ANKRD65: variants seen among roughly 807,000 people sequenced by gnomAD.
The protein encoded by ANKRD65 is ankyrin repeat domain-containing protein 65.
Under a neutral mutation model 17.2 loss-of-function variants are expected in ANKRD65, and 26 were observed. The ratio of observed to expected loss-of-function variants is 1.51; its 90% CI spans 1.11 to 2.09. The LOEUF is 2.09. Ranked by LOEUF, ANKRD65 falls within the 30% of genes most tolerant of loss-of-function variation. ANKRD65 has a pLI of 0.00. For synonymous variants in ANKRD65, 311 were observed against 272.2 expected, an observed-to-expected ratio of 1.14 and a Z score of -1.40; for missense variants, 621 against 542.2, an observed-to-expected ratio of 1.15 and a Z score of -1.44.
intron 1 of ANKRD65, 57 bp downstream of exon 1, chr1:1,421,076 A>G (rs1035001956): frequency 1.2e-5 from 18 of 1,449,994 alleles, no homozygotes; most frequent in Non-Finnish European, 1.6e-5. Context: ...TCCCAGGCCA[A>G]CTGGAGCCCC....
At position 1,421,025 on chromosome 1, in the gene ANKRD65, CTACA is replaced by C; in HGVS notation, c.1-24_1-21del. On this transcript the variant is annotated intron_variant, in intron 1 of 3. Transcript: ENST00000537107. ...GTCCATCTGGGGGGGAGCAGGGATCCTACATCCACTGTGGAGGCCTCTGGCCTGC... is the reference window on the plus strand; with the variant it reads ...GTCCATCTGGGGGGGAGCAGGGATCCTCCACTGTGGAGGCCTCTGGCCTGC... The C allele has an allele frequency of 6.5e-7, 1 of 1,549,614 alleles. No homozygotes were observed. Among genetic ancestry groups the C allele is most frequent in the Non-Finnish European group, 8.7e-7 (1 of 1,146,492 alleles).
In ANKRD65 at chr1:1,420,578, C is replaced by T. The variant is rs1289906629; in HGVS notation, c.224G>A (p.Arg75Gln). Residue 75 changes from arginine (R) to glutamine (Q), a missense_variant, in exon 3 of 4, where the codon CGG becomes CAG. Coordinates refer to ENST00000537107, the MANE Select transcript of ANKRD65 (RefSeq NM_001145210.3). ...CAGCACGGCCAGGTGGAGCGGGGTC[C>T]GGCCTGCGTGGTCCCTGAGGAGGGG... is the stretch of plus-strand genomic sequence containing the variant. Reference protein sequence around the residue: ...ASVEERDHAGRTPLHLAVLRG... With the variant: ...ASVEERDHAGQTPLHLAVLRG... The T allele has an allele frequency of 1.3e-5, 18 of 1,376,742 alleles. No homozygotes were observed. Among genetic ancestry groups the T allele is most frequent in the Non-Finnish European group, 1.6e-5 (17 of 1,068,642 alleles). The allele number at this position is 1,376,742 out of a possible 1,614,324, so 85.3% of individuals were successfully genotyped here.
chr1:1,420,544 G>T lies in ANKRD65; in HGVS notation c.258C>A (p.His86Gln), dbSNP rs1192041249. The change falls in exon 3 of 4, where the codon CAC becomes CAA. Residue 86 changes from histidine to glutamine, a missense_variant. Coordinates refer to ENST00000537107, the MANE Select transcript of ANKRD65 (RefSeq NM_001145210.3). ...TPLHLAVLRG[H>Q]APLVRLLLQR... is the part of the protein sequence containing the mutation. Reference sequence around the variant, plus strand: ...GCAGCAGGAGACGCACCAGGGGCGCGTGGCCCCGCAGCACGGCCAGGTGGA... The same window carrying T: ...GCAGCAGGAGACGCACCAGGGGCGCTTGGCCCCGCAGCACGGCCAGGTGGA... 5.3e-6 allele frequency: 7 copies of T among 1,314,446 alleles called. No homozygotes were observed. The highest frequency in any genetic ancestry group is 6.7e-6 in the Non-Finnish European group (7 of 1,038,014). 81.4% of individuals were successfully genotyped at this position (1,314,446 alleles called of 1,614,324 possible).
Position 1,419,078 on chromosome 1 carries a change from A to G in ANKRD65, c.*22T>C, listed in dbSNP as rs902292160. ...AGCCTGGAAATCACTGGGGCGGTGG[A>G]GCCTGGAGCCTGCTGTCTGGCTCAG... On this transcript the variant is annotated 3_prime_UTR_variant, in exon 4 of 4. Coordinates refer to ENST00000537107, the MANE Select transcript of ANKRD65 (RefSeq NM_001145210.3). 6.8e-7 allele frequency: 1 copy of G among 1,467,976 alleles called. No homozygotes were observed. Among genetic ancestry groups the G allele is most frequent in the Non-Finnish European group, 9.1e-7 (1 of 1,102,250 alleles). The allele number at this position is 1,467,976 out of a possible 1,614,324, so 90.9% of individuals were successfully genotyped here.
chr1:1,419,375 C>T lies in ANKRD65; in HGVS notation c.925G>A (p.Ala309Thr), dbSNP rs893962628. 11 of 1,550,096 alleles carry T rather than the reference C, an allele frequency of 7.1e-6. No individual in the cohort carries two copies. The highest frequency in any genetic ancestry group is 2.7e-5 in the African/African-American group (2 of 73,062). ...ACCTCCACGTGGCCTTCCCGAGAGG[C>T]GTGATGCAGGGGTGTGAGGCCCAGG... ...DTLGLTPLHHASREGHVEVAG... is the reference protein window; with the variant it reads ...DTLGLTPLHHTSREGHVEVAG... The change falls in exon 4 of 4, where the codon GCC (alanine) becomes ACC (threonine). Residue 309 changes from alanine (A) to threonine (T), a missense_variant. Physicochemically the swap from Ala to Thr is moderately conservative, Grantham distance 58. Coordinates refer to ENST00000537107, the MANE Select transcript of ANKRD65 (RefSeq NM_001145210.3).
rs1490563077 is a variant in ANKRD65 at position 1,420,403 on chromosome 1, C to T, written c.399G>A (p.Ala133=). Residue 133 remains alanine, a synonymous_variant, in exon 3 of 4, where the codon GCG becomes GCA. Coordinates refer to ENST00000537107, the MANE Select transcript of ANKRD65 (RefSeq NM_001145210.3). The stretch of plus-strand genomic sequence containing the variant: ...TGAGGCCCGTCCCGGAGCGAGCCGC[C>T]GCCGAGGCCCCGCGCTGCAGCAGCA... ...AELLLQRGAS[A]AARSGTGLTP... The T allele has an allele frequency of 1.3e-5, 17 of 1,317,576 alleles. No homozygotes were observed. In the East Asian group the frequency reaches 4.7e-4, roughly 37 times the overall value. The allele number at this position is 1,317,576 out of a possible 1,614,324, so 81.6% of individuals were successfully genotyped here.
Position 1,419,220 on chromosome 1 carries a change from G to T in ANKRD65, c.1080C>A (p.Ser360Arg). ...CGGCCCACTGCGTCCGCAGAGTGGG[G>T]CTGGCCCCTCGGCTCAGCAGAAGCC... Reference protein sequence around the residue: ...TVGLLLSRGASPTLRTQWAEV... With the variant: ...TVGLLLSRGARPTLRTQWAEV... Residue 360 changes from serine (S) to arginine (R), a missense_variant, in exon 4 of 4, where the codon AGC (serine) becomes AGA (arginine). Ser to Arg is a moderately radical substitution (Grantham distance 110). Coordinates refer to ENST00000537107, the MANE Select transcript of ANKRD65 (RefSeq NM_001145210.3). The T allele has an allele frequency of 6.5e-7, 1 of 1,550,308 alleles. No homozygotes were observed. The highest frequency in any genetic ancestry group is 1.2e-5 in the South Asian group (1 of 84,054).
In ANKRD65 at chr1:1,420,279, C is replaced by G; in HGVS notation, c.523G>C (p.Ala175Pro). Residue 175 changes from alanine (A) to proline (P), a missense_variant, in exon 3 of 4, where the codon GCG becomes CCG. Ala to Pro is a conservative substitution (Grantham distance 27). Coordinates refer to ENST00000537107, the MANE Select transcript of ANKRD65 (RefSeq NM_001145210.3). Reference sequence around the variant, plus strand: ...CAGTGCGCCGCCGTCCAGCCGCGCGCGTCCTCCGCCTCCGCTGCCGCGGGT... The same window carrying G: ...CAGTGCGCCGCCGTCCAGCCGCGCGGGTCCTCCGCCTCCGCTGCCGCGGGT... ...PGPAAAEAED[A>P]RGWTAAHWAA... 9.8e-7 allele frequency: 1 copy of G among 1,021,544 alleles called. No individual in the cohort carries two copies. The highest frequency in any genetic ancestry group is 1.2e-6 in the Non-Finnish European group (1 of 856,428). The allele number at this position is 1,021,544 out of a possible 1,614,324, so 63.3% of individuals were successfully genotyped here. A position where few individuals can be genotyped will look rare whatever the true frequency, so the allele number is the denominator to read the frequency against.
rs1645495989 is a variant in ANKRD65, at chr1:1,419,163, G to C, written c.1137C>G (p.Pro379=). The C allele has an allele frequency of 1.3e-6, 2 of 1,543,892 alleles. No homozygotes were observed. Among genetic ancestry groups the C allele is most frequent in the South Asian group, 2.4e-5 (2 of 83,822 alleles). ...CCCCTCCAAGTTCAGGCAGCGCCTG[G>C]GGCAGGTCCCCCTCAGGCATCTGGG... is the stretch of plus-strand genomic sequence containing the variant. ...EVAQMPEGDL[P]QALPELGGGE... The change falls in exon 4 of 4, where the codon CCC becomes CCG. Residue 379 remains proline (P), a synonymous_variant. Coordinates refer to ENST00000537107, the MANE Select transcript of ANKRD65 (RefSeq NM_001145210.3).
chr1:1,421,057 C>A, intron 1 of ANKRD65, 52 bp from the exon 2 acceptor site: 1 of 1,518,918 alleles, frequency 6.6e-7, no homozygotes, highest in Non-Finnish European at 8.9e-7. Context: ...TGGCCTGCCC[C>A]CAGCCGTGTC....
chr1:1,420,270 A>G lies in ANKRD65; in HGVS notation c.532T>C (p.Trp178Arg). 9.9e-7 allele frequency: 1 copy of G among 1,011,026 alleles called. No individual in the cohort carries two copies. Among genetic ancestry groups the G allele is most frequent in the Non-Finnish European group, 1.2e-6 (1 of 849,382 alleles). 62.6% of individuals were successfully genotyped at this position (1,011,026 alleles called of 1,614,324 possible). ...GCGGCCGCCCAGTGCGCCGCCGTCC[A>G]GCCGCGCGCGTCCTCCGCCTCCGCT... ...AAAEAEDARG[W>R]TAAHWAAAGG... Residue 178 changes from tryptophan to arginine, a missense_variant, in exon 3 of 4, where the codon TGG (tryptophan) becomes CGG (arginine). Coordinates refer to ENST00000537107, the MANE Select transcript of ANKRD65 (RefSeq NM_001145210.3).
chr1:1,420,535 C>T lies in ANKRD65; in HGVS notation c.267G>A (p.Leu89=). ...HLAVLRGHAP[L]VRLLLQRGAP... ...CCCCTCGCTGCAGCAGGAGACGCAC[C>T]AGGGGCGCGTGGCCCCGCAGCACGG... The change falls in exon 3 of 4, where the codon CTG becomes CTA. Residue 89 remains leucine, a synonymous_variant. Coordinates refer to ENST00000537107, the MANE Select transcript of ANKRD65 (RefSeq NM_001145210.3). The T allele has an allele frequency of 7.6e-7, 1 of 1,313,426 alleles. No individual in the cohort carries two copies. Among genetic ancestry groups the T allele is most frequent in the Non-Finnish European group, 9.6e-7 (1 of 1,037,836 alleles). 81.4% of individuals were successfully genotyped at this position (1,313,426 alleles called of 1,614,324 possible).
At position 1,420,394 on chromosome 1, in the gene ANKRD65, G is replaced by A. The variant is rs1261233206; in HGVS notation, c.408C>T (p.Arg136=). Residue 136 remains arginine (R), a synonymous_variant, in exon 3 of 4, where the codon CGC becomes CGT. Transcript: ENST00000537107. ...GCAGCGGCGTGAGGCCCGTCCCGGA[G>A]CGAGCCGCCGCCGAGGCCCCGCGCT... ...LLQRGASAAA[R]SGTGLTPLHW... 7 of 1,310,794 alleles carry A rather than the reference G, an allele frequency of 5.3e-6. No individual in the cohort carries two copies. Among genetic ancestry groups the A allele is most frequent in the Non-Finnish European group, 4.9e-6 (5 of 1,025,018 alleles). 81.2% of individuals were successfully genotyped at this position (1,310,794 alleles called of 1,614,324 possible).
chr1:1,420,222 C>G lies in ANKRD65; in HGVS notation c.580G>C (p.Glu194Gln). The stretch of plus-strand genomic sequence containing the variant: ...CCCGCGCCGCCGGCCGCCAGCAGCT[C>G]CAGCACCGCCAGCCGCCCGCCCGCG... ...AAAGGRLAVL[E>Q]LLAAGGAGLD... is the part of the protein sequence containing the mutation. The change falls in exon 3 of 4, where the codon GAG becomes CAG. Residue 194 changes from glutamate (E) to glutamine (Q), a missense_variant. Transcript: ENST00000537107. The G allele has an allele frequency of 1.0e-6, 1 of 990,986 alleles. No individual in the cohort carries two copies. The highest frequency in any genetic ancestry group is 1.8e-5 in the African/African-American group (1 of 56,968). 61.4% of individuals were successfully genotyped at this position (990,986 alleles called of 1,614,324 possible). A position where few individuals can be genotyped will look rare whatever the true frequency, so the allele number is the denominator to read the frequency against.
chr1:1,420,428 A>G lies in ANKRD65; in HGVS notation c.374T>C (p.Leu125Pro). 7.5e-7 allele frequency: 1 copy of G among 1,329,702 alleles called. No individual in the cohort carries two copies. The highest frequency in any genetic ancestry group is 9.6e-7 in the Non-Finnish European group (1 of 1,039,216). 82.4% of individuals were successfully genotyped at this position (1,329,702 alleles called of 1,614,324 possible). A position where few individuals can be genotyped will look rare whatever the true frequency, so the allele number is the denominator to read the frequency against. The part of the protein sequence containing the change: ...AWHGHSRVAE[L>P]LLQRGASAAA... ...CGCCGAGGCCCCGCGCTGCAGCAGC[A>G]GCTCGGCCACCCGCGAGTGTCCGTG... Residue 125 changes from leucine to proline, a missense_variant, in exon 3 of 4, where the codon CTG becomes CCG. Leu to Pro is a moderately conservative substitution (Grantham distance 98). Coordinates refer to ENST00000537107, the MANE Select transcript of ANKRD65 (RefSeq NM_001145210.3).
Position 1,420,117 on chromosome 1 carries a change from C to G in ANKRD65, c.685G>C (p.Val229Leu). Residue 229 changes from valine (V) to leucine (L), a missense_variant, in exon 3 of 4, where the codon GTG (valine) becomes CTG (leucine). Coordinates refer to ENST00000537107, the MANE Select transcript of ANKRD65 (RefSeq NM_001145210.3). ...LRFLLARGARVDARDGAGATA... is the reference protein window; with the variant it reads ...LRFLLARGARLDARDGAGATA... ...GCCCCCGCGCCATCCCGGGCGTCCA[C>G]CCGCGCCCCGCGCGCCAGGAGGAAG... 1 of 1,257,836 alleles carries G rather than the reference C, an allele frequency of 8.0e-7. No homozygotes were observed. Among genetic ancestry groups the G allele is most frequent in the Non-Finnish European group, 1.0e-6 (1 of 1,002,872 alleles). 77.9% of individuals were successfully genotyped at this position (1,257,836 alleles called of 1,614,324 possible).
At position 1,419,368 on chromosome 1, in the gene ANKRD65, C is replaced by T. The variant is rs921825562; in HGVS notation, c.932G>A (p.Arg311Gln). The T allele has an allele frequency of 2.0e-5, 31 of 1,550,108 alleles. 1 individual carries two copies. The highest frequency in any genetic ancestry group is 1.3e-4 in the South Asian group (11 of 84,052). ...LGLTPLHHASREGHVEVAGCL... is the reference protein window; with the variant it reads ...LGLTPLHHASQEGHVEVAGCL... ...GCCGGCAACCTCCACGTGGCCTTCC[C>T]GAGAGGCGTGATGCAGGGGTGTGAG... The change falls in exon 4 of 4, where the codon CGG (arginine) becomes CAG (glutamine). Residue 311 changes from arginine (R) to glutamine (Q), a missense_variant. By Grantham distance (43) the Arg-to-Gln change is conservative. Transcript: ENST00000537107.
In ANKRD65 at chr1:1,421,068, C is replaced by T. The variant is rs188449615; in HGVS notation, c.1-63G>A. ...CCTCTGGCCTGCCCCCAGCCGTGTC[C>T]CAGGCCAACTGGAGCCCCCCATTCC... is the stretch of plus-strand genomic sequence containing the variant. On this transcript the variant is annotated intron_variant, in intron 1 of 3. Coordinates refer to ENST00000537107, the MANE Select transcript of ANKRD65 (RefSeq NM_001145210.3). The T allele has an allele frequency of 4.3e-4, 646 of 1,494,502 alleles. 1 individual carries two copies. In the African/African-American group the frequency reaches 8.0e-3, roughly 18 times the overall value. 92.6% of individuals were successfully genotyped at this position (1,494,502 alleles called of 1,614,324 possible). A position where few individuals can be genotyped will look rare whatever the true frequency, so the allele number is the denominator to read the frequency against.
Position 1,420,473 on chromosome 1 carries a change from G to A in ANKRD65, c.329C>T (p.Ala110Val). 7.8e-7 allele frequency: 1 copy of A among 1,285,318 alleles called. No homozygotes were observed. Among genetic ancestry groups the A allele is most frequent in the Non-Finnish European group, 9.8e-7 (1 of 1,023,046 alleles). 79.6% of individuals were successfully genotyped at this position (1,285,318 alleles called of 1,614,324 possible). ...VGAVDRAGRT[A>V]LHEAAWHGHS... ...TCCGTGCCAGGCGGCCTCGTGCAGCGCGGTGCGCCCCGCCCGGTCCACCGC... is the reference window on the plus strand; with the variant it reads ...TCCGTGCCAGGCGGCCTCGTGCAGCACGGTGCGCCCCGCCCGGTCCACCGC... Residue 110 changes from alanine to valine, a missense_variant, in exon 3 of 4, where the codon GCG (alanine) becomes GTG (valine). By Grantham distance (64) the Ala-to-Val change is moderately conservative. Coordinates refer to ENST00000537107, the MANE Select transcript of ANKRD65 (RefSeq NM_001145210.3).
Sources: gnomAD v4.1 joint callset for allele counts on GRCh38, gnomAD v4.1.1 for gene constraint, MANE v1.5 for transcripts, NCBI Gene and HGNC (gene_info 2026-07-23, HGNC 2026-07-21) for gene names.